Variants in ECM1 observed in about 807,000 individuals in gnomAD.
ECM1 encodes the protein extracellular matrix protein 1.
In ECM1, 54 loss-of-function variants were observed where a neutral mutation model predicts 57.9. The observed-to-expected ratio is 0.93, with a 90% confidence interval of 0.75 to 1.17. ECM1 has a LOEUF of 1.17. Among genes scored for constraint, ECM1 ranks in the 50% most tolerant of loss-of-function variants. The pLI is 0.00. For missense variants in ECM1, 649 were observed against 688.1 expected, an observed-to-expected ratio of 0.94 and a Z score of 0.64; for synonymous variants, 237 against 259.1, an observed-to-expected ratio of 0.91 and a Z score of 0.82.
At position 150,511,786 on chromosome 1, in the gene ECM1, G is replaced by C. The variant is rs1193868919; in HGVS notation, c.1038G>C (p.Gln346His). Residue 346 changes from glutamine to histidine, a missense_variant, in exon 7 of 10, where the codon CAG (glutamine) becomes CAC (histidine). Coordinates refer to ENST00000369047, the MANE Select transcript of ECM1 (RefSeq NM_004425.4). ...TGATCCAGCTGGAGAGGGAGTTCCAGCGCTGCTGCCGCCAGGGGAACAATC... is the reference window on the plus strand; with the variant it reads ...TGATCCAGCTGGAGAGGGAGTTCCACCGCTGCTGCCGCCAGGGGAACAATC... ...LALIQLEREF[Q>H]RCCRQGNNHT... 6.2e-7 allele frequency: 1 copy of C among 1,613,176 alleles called. No individual in the cohort carries two copies. Among genetic ancestry groups the C allele is most frequent in the South Asian group, 1.1e-5 (1 of 91,070 alleles).
At chr1:150,512,238 G>A in intron 7 of ECM1, 114 bp from the exon 8 acceptor site, 1 of 1,208,446 alleles carries the variant, frequency 8.3e-7, no homozygotes, top group Non-Finnish European at 1.2e-6. Flanking sequence ...TTCCCTTTGG[G>A]CCTCTCGGGC....
intron 6 of ECM1, 50 bp from the exon 7 acceptor site, chr1:150,511,407 G>A (rs369144481): frequency 1.4e-5 from 23 of 1,613,622 alleles, no homozygotes; most frequent in Admixed American, 1.7e-5. Context: ...TGGAGCCTGG[G>A]AGGAAGGCAG....
rs760636611 is a variant in ECM1 at position 150,510,107 on chromosome 1, C to A, written c.310C>A (p.Pro104Thr). The A allele has an allele frequency of 6.2e-7, 1 of 1,613,988 alleles. No homozygotes were observed. The part of the protein sequence containing the change: ...AQLPAEKEVG[P>T]PLPQEAVPLQ... ...CCCTCACCCCTATCTTGCAGTGGGT[C>A]CCCCTCTCCCTCAGGAAGCTGTCCC... Residue 104 changes from proline (P) to threonine (T), a missense_variant, in exon 5 of 10, where the codon CCC (proline) becomes ACC (threonine). Transcript: ENST00000369047.
intron 1 of ECM1, 150 bp downstream of exon 1, chr1:150,508,429 G>C (rs1670336012): frequency 1.3e-6 from 1 of 782,990 alleles, no homozygotes; most frequent in Non-Finnish European, 2.2e-6. Flanking sequence ...TAGGCCAGTG[G>C]AGCCTTTAAC....
Position 150,513,475 on chromosome 1 carries a change from C to G in ECM1, c.*8C>G. ...GAGCCCAAGGAAGAATGAGTCACCC[C>G]AGAGCCCTAGAGGGTCAGATGGGGG... On this transcript the variant is annotated 3_prime_UTR_variant, in exon 10 of 10. Transcript: ENST00000369047. 1 of 1,611,364 alleles carries G rather than the reference C, an allele frequency of 6.2e-7. No individual in the cohort carries two copies. Among genetic ancestry groups the G allele is most frequent in the Non-Finnish European group, 8.5e-7 (1 of 1,179,492 alleles).
At position 150,511,147 on chromosome 1, in the gene ECM1, C is replaced by T. The variant is rs776269625; in HGVS notation, c.657C>T (p.Arg219=). The change falls in exon 6 of 10, where the codon CGC becomes CGT. Residue 219 remains arginine, a synonymous_variant. Coordinates refer to ENST00000369047, the MANE Select transcript of ECM1 (RefSeq NM_004425.4). ...ATTTCCTGGAGATTGGATATTCCCG[C>T]TGCTGCCACTGCCGCAGCCACACAA... ...TLNFLEIGYS[R]CCHCRSHTNR... 4.3e-6 allele frequency: 7 copies of T among 1,614,144 alleles called. No homozygotes were observed. The highest frequency in any genetic ancestry group is 4.5e-5 in the East Asian group (2 of 44,906).
chr1:150,511,349 G>A, intron 6 of ECM1, 108 bp from the exon 7 acceptor site: 1 of 1,603,442 alleles, frequency 6.2e-7, no homozygotes, highest in Non-Finnish European at 8.5e-7. Context: ...CAGGGGAGCA[G>A]AGGACAACCA....
chr1:150,508,800 A>T (rs1229964257), intron 1 of ECM1, among the ~76,000 whole-genome samples: 1 of 152,062 alleles, frequency 6.6e-6, no homozygotes, highest in East Asian at 1.9e-4. Flanking sequence ...GGAAACTAAG[A>T]AAAAAAGGAA....
chr1:150,509,518 T>A lies in ECM1; in HGVS notation c.71-13T>A. The A allele has an allele frequency of 6.2e-7, 1 of 1,614,136 alleles. No individual in the cohort carries two copies. Among genetic ancestry groups the A allele is most frequent in the East Asian group, 2.2e-5 (1 of 44,880 alleles). ...CCTCCCAGTGGCCCCTGACTTGCCC[T>A]TCTTCCCTCCAGGCTTCACGGCTAC... On this transcript the variant is annotated splice_polypyrimidine_tract_variant and intron_variant, in intron 1 of 9. Coordinates refer to ENST00000369047, the MANE Select transcript of ECM1 (RefSeq NM_004425.4).
intron 5 of ECM1, 24 bp downstream of exon 5, chr1:150,510,206 A>G: frequency 6.2e-7 from 1 of 1,605,824 alleles, no homozygotes; most frequent in Middle Eastern, 1.7e-4. Context: ...TCTCTTCTTT[A>G]CCCACCTTTA....
chr1:150,512,307 G>A, intron 7 of ECM1, 45 bp from the exon 8 acceptor site: 4 of 1,600,808 alleles, frequency 2.5e-6, no homozygotes, highest in Non-Finnish European at 3.4e-6. Flanking sequence ...CAGGAGAGAA[G>A]GGGCCAAGTG....
Position 150,511,645 on chromosome 1 carries a change from C to G in ECM1, c.897C>G (p.Phe299Leu), listed in dbSNP as rs767882878. ...PDISSGLELP[F>L]PPGVPTLDNI... Reference sequence around the variant, plus strand: ...TTTCCTCGGGTCTTGAGCTGCCTTTCCCTCCTGGGGTGCCCACATTGGACA... The same window carrying G: ...TTTCCTCGGGTCTTGAGCTGCCTTTGCCTCCTGGGGTGCCCACATTGGACA... Residue 299 changes from phenylalanine to leucine, a missense_variant, in exon 7 of 10, where the codon TTC becomes TTG. Phe to Leu is a conservative substitution (Grantham distance 22). Coordinates refer to ENST00000369047, the MANE Select transcript of ECM1 (RefSeq NM_004425.4). 3 of 1,614,154 alleles carry G rather than the reference C, an allele frequency of 1.9e-6. No homozygotes were observed. Among genetic ancestry groups the G allele is most frequent in the East Asian group, 2.2e-5 (1 of 44,868 alleles).
intron 9 of ECM1, 48 bp downstream of exon 9, chr1:150,512,860 G>C: frequency 1.3e-6 from 2 of 1,585,834 alleles, no homozygotes; most frequent in Non-Finnish European, 1.7e-6. Context: ...GGAGGGGAGG[G>C]AAAGAGCTAG....
intron 9 of ECM1, 76 bp downstream of exon 9, chr1:150,512,888 T>A: frequency 6.8e-7 from 1 of 1,474,480 alleles, no homozygotes; most frequent in Non-Finnish European, 9.5e-7. Context: ...GGCCACCCCT[T>A]CTCTTTAGTA....
At chr1:150,512,931 G>C in intron 9 of ECM1, 119 bp downstream of exon 9, 3 of 1,164,928 alleles carry the variant, frequency 2.6e-6, no homozygotes, top group Non-Finnish European at 3.8e-6. Flanking sequence ...AATGACTAGT[G>C]GGGGAGGTGT....
At chr1:150,511,962 G>A (rs1243126484) in intron 7 of ECM1, 131 bp downstream of exon 7, 9 of 1,268,534 alleles carry the variant, frequency 7.1e-6, no homozygotes, top group Non-Finnish European at 9.6e-6. Flanking sequence ...TCTGCTTGTG[G>A]CTGTCCGTCC....
In ECM1 at chr1:150,509,705, C is replaced by G. The variant is rs747453858; in HGVS notation, c.166C>G (p.Pro56Ala). ...PPSPPLSRSLPMDHPDSSQHG... is the reference protein window; with the variant it reads ...PPSPPLSRSLAMDHPDSSQHG... ...CTCCCCACCCCTATCCCGAAGCCTC[C>G]CCATGGATCACCCTGACTCCTCTCA... is the stretch of plus-strand genomic sequence containing the variant. The change falls in exon 3 of 10, where the codon CCC becomes GCC. Residue 56 changes from proline to alanine, a missense_variant. By Grantham distance (27) the Pro-to-Ala change is conservative. Transcript: ENST00000369047. 1 of 1,613,804 alleles carries G rather than the reference C, an allele frequency of 6.2e-7. No homozygotes were observed. The highest frequency in any genetic ancestry group is 8.5e-7 in the Non-Finnish European group (1 of 1,179,952).
At chr1:150,510,347 G>A in intron 5 of ECM1, 165 bp downstream of exon 5, 4 of 682,072 alleles carry the variant, frequency 5.9e-6, no homozygotes, top group Non-Finnish European at 1.0e-5. Context: ...GTAAAATTGA[G>A]GATATACCTG....
At position 150,511,128 on chromosome 1, in the gene ECM1, T is replaced by C. The variant is rs749830205; in HGVS notation, c.638T>C (p.Leu213Pro). 1.5e-5 allele frequency: 25 copies of C among 1,614,122 alleles called. No homozygotes were observed. The highest frequency in any genetic ancestry group is 2.0e-5 in the Non-Finnish European group (24 of 1,180,040). ...LTRQGETLNFLEIGYSRCCHC... is the reference protein window; with the variant it reads ...LTRQGETLNFPEIGYSRCCHC... Reference sequence around the variant, plus strand: ...CGCCAGGGTGAGACCCTCAATTTCCTGGAGATTGGATATTCCCGCTGCTGC... The same window carrying C: ...CGCCAGGGTGAGACCCTCAATTTCCCGGAGATTGGATATTCCCGCTGCTGC... Residue 213 changes from leucine to proline, a missense_variant, in exon 6 of 10, where the codon CTG becomes CCG. Leu to Pro is a moderately conservative substitution (Grantham distance 98). Transcript: ENST00000369047.
Sources: gnomAD v4.1 joint callset for allele counts (sites outside exome capture counted in the v4.1 genomes callset) on GRCh38, gnomAD v4.1.1 for gene constraint, MANE v1.5 for transcripts, NCBI Gene and HGNC (gene_info 2026-07-23, HGNC 2026-07-21) for gene names.